NEIL1: variants seen among roughly 807,000 people sequenced by gnomAD.
NEIL1 encodes endonuclease 8-like 1.
Under a neutral mutation model 44.2 loss-of-function variants are expected in NEIL1, and 31 were observed. The ratio of observed to expected loss-of-function variants is 0.70; its 90% CI spans 0.53 to 0.95. The LOEUF is 0.95. Among genes scored for constraint, NEIL1 ranks in the 40% least tolerant of loss-of-function variants. NEIL1 has a pLI of 0.00. For missense variants in NEIL1, 549 were observed against 515.5 expected (o/e 1.07, Z -0.63); for synonymous variants, 254 against 209.7 (o/e 1.21, Z -1.83).
In NEIL1 at chr15:75,349,329, C is replaced by T; in HGVS notation, c.424C>T (p.Gln142Ter). 1 of 1,605,394 alleles carries T rather than the reference C, an allele frequency of 6.2e-7. No homozygotes were observed. The highest frequency in any genetic ancestry group is 1.1e-5 in the South Asian group (1 of 90,450). ...CGGGCCCTGTGTCTTGCAGGAGTACCAGCAGTTCAGGTAGGGCCAGCACCA... is the reference window on the plus strand; with the variant it reads ...CGGGCCCTGTGTCTTGCAGGAGTACTAGCAGTTCAGGTAGGGCCAGCACCA... Reference protein sequence around the residue: ...GRGPCVLQEYQQFRENVLRNL... With the variant: ...GRGPCVLQEY The change falls in exon 2 of 10, where the codon CAG becomes TAG. Residue 142 changes from glutamine to a stop codon, truncating the protein, a stop_gained. Coordinates refer to ENST00000355059, the MANE Select transcript of NEIL1 (RefSeq NM_024608.4). LOFTEE classifies it high-confidence loss of function.
Position 75,354,680 on chromosome 15 carries a change from TC to T in NEIL1, c.966del (p.Arg323GlyfsTer90). 6.2e-7 allele frequency: 1 copy of T among 1,614,100 alleles called. No individual in the cohort carries two copies. The highest frequency in any genetic ancestry group is 8.5e-7 in the Non-Finnish European group (1 of 1,180,016). On this transcript the variant is annotated frameshift_variant, in exon 9 of 10. Coordinates refer to ENST00000355059, the MANE Select transcript of NEIL1 (RefSeq NM_024608.4). LOFTEE classifies it high-confidence loss of function. ...CGCTTTGCCTCCAAGCAAGGCCCCT[TC>T]CAGGACACGAAGGGCAAAGAGAGAC... ...EDALPPSKAP[S>X]RTRRAKRDLP...
chr15:75,348,710 A>C, intron 1 of NEIL1, 174 bp from the exon 2 acceptor site: 3 of 1,431,618 alleles, frequency 2.1e-6, no homozygotes, highest in Non-Finnish European at 2.7e-6. Context: ...TGGGCTTTCC[A>C]GGCACCTGTC....
In NEIL1 at chr15:75,356,714, C is replaced by T. The variant is rs1211434763; in HGVS notation, c.*1680C>T. 5 of 1,611,116 alleles carry T rather than the reference C, an allele frequency of 3.1e-6. No homozygotes were observed. The African/African-American group carries it at 4.0e-5, about 13-fold the overall frequency. The stretch of plus-strand genomic sequence containing the variant: ...GGGTGAGGAGGGCGCGTAGGGGCCA[C>T]GCTGAAGCTGTTGGAGTTGTGGTCG... On this transcript the variant is annotated 3_prime_UTR_variant, in exon 10 of 10. Transcript: ENST00000355059. The surrounding 1 kb of genome is among the most constrained non-coding windows in gnomAD (Gnocchi z 5.8).
intron 5 of NEIL1, 98 bp from the exon 6 acceptor site, chr15:75,353,641 G>A: frequency 1.6e-6 from 2 of 1,288,036 alleles, no homozygotes; most frequent in Non-Finnish European, 2.3e-6. Flanking sequence ...CAGTCCATCA[G>A]CTTGTGTAGC....
At chr15:75,347,693 T>G (rs2071545172) in intron 1 of NEIL1, 61 of 491,440 alleles carry the variant, frequency 1.2e-4, no homozygotes, top group Middle Eastern at 9.2e-4. Flanking sequence ...GATCGGGTTG[T>G]GGGGGGTGCG....
At chr15:75,349,421 C>T (rs886655676) in intron 2 of NEIL1, 82 bp downstream of exon 2, 6 of 1,341,412 alleles carry the variant, frequency 4.5e-6, no homozygotes, top group Non-Finnish European at 5.1e-6. Flanking sequence ...CAACAAGGGG[C>T]GAGTCCCTGC....
chr15:75,354,010 C>G (rs2072143357), intron 6 of NEIL1, 144 bp downstream of exon 6: 1 of 1,199,624 alleles, frequency 8.3e-7, no homozygotes, highest in South Asian at 1.4e-5. Flanking sequence ...CACCCCTCCC[C>G]TCCCATGCGT....
In NEIL1 at chr15:75,353,842, G is replaced by C; in HGVS notation, c.822G>C (p.Arg274=). ...CAGGCATGAGCTCCCTGCAGGACCG[G>C]CATGGCCGTACCATCTGGTTCCAGG... ...GMPGMSSLQD[R]HGRTIWFQGD... The change falls in exon 6 of 10, where the codon CGG becomes CGC. Residue 274 remains arginine, a synonymous_variant. Coordinates refer to ENST00000355059, the MANE Select transcript of NEIL1 (RefSeq NM_024608.4). 1 of 1,613,220 alleles carries C rather than the reference G, an allele frequency of 6.2e-7. No homozygotes were observed. Among genetic ancestry groups the C allele is most frequent in the Non-Finnish European group, 8.5e-7 (1 of 1,179,986 alleles).
At position 75,355,811 on chromosome 15, in the gene NEIL1, T is replaced by C. The variant is rs1205336738; in HGVS notation, c.*777T>C. 5 of 1,476,982 alleles carry C rather than the reference T, an allele frequency of 3.4e-6. No homozygotes were observed. The African/African-American group carries it at 7.1e-5, about 21-fold the overall frequency. The allele number at this position is 1,476,982 out of a possible 1,614,324, so 91.5% of individuals were successfully genotyped here. ...GCAGGGTTCCCGATCCAAGGATTTA[T>C]TCCACAAGAAAAGACTGATCCCTGC... On this transcript the variant is annotated 3_prime_UTR_variant, in exon 10 of 10. Transcript: ENST00000355059.
intron 1 of NEIL1, 46 bp from the exon 2 acceptor site, chr15:75,348,838 C>T: frequency 6.4e-7 from 1 of 1,569,230 alleles, no homozygotes; most frequent in Non-Finnish European, 8.6e-7. Context: ...GCCGCTACCT[C>T]ACAAAGTCCA....
At position 75,353,152 on chromosome 15, in the gene NEIL1, A is replaced by C. The variant is rs201135873; in HGVS notation, c.718+451A>C. 13 of 183,050 alleles carry C rather than the reference A, an allele frequency of 7.1e-5. No individual in the cohort carries two copies. In the East Asian group the frequency reaches 1.8e-3, roughly 25 times the overall value. 11.3% of individuals were successfully genotyped at this position (183,050 alleles called of 1,614,324 possible). A position where few individuals can be genotyped will look rare whatever the true frequency, so the allele number is the denominator to read the frequency against. ...AGCAAAACTCCATCTCAAAAAAAAA[A>C]AAAACAAAAAAACAGTGTTTCCTCC... On this transcript the variant is annotated intron_variant, in intron 5 of 9. Transcript: ENST00000355059.
rs772044607 is a variant in NEIL1 at position 75,356,269 on chromosome 15, G to A, written c.*1235G>A. The A allele has an allele frequency of 1.9e-6, 3 of 1,612,008 alleles. No homozygotes were observed. In the East Asian group the frequency reaches 6.7e-5, roughly 36 times the overall value. On this transcript the variant is annotated 3_prime_UTR_variant, in exon 10 of 10. Transcript: ENST00000355059. The surrounding 1 kb of genome is among the most constrained non-coding windows in gnomAD (Gnocchi z 5.8). Reference sequence around the variant, plus strand: ...AGGGGCCGAGGGCAGGCCCAGTTCGGAACCCCGTCCCCAGCACGTCCCACC... The same window carrying A: ...AGGGGCCGAGGGCAGGCCCAGTTCGAAACCCCGTCCCCAGCACGTCCCACC...
At position 75,354,803 on chromosome 15, in the gene NEIL1, C is replaced by A. The variant is rs778081651; in HGVS notation, c.1087C>A (p.Arg363=). ...GCCCAAGAAGGGGAGGAGGAAGGGG[C>A]GACAGGCAGCCTCTGGTGGGCTTTC... ...TVPKKGRRKG[R]QAASGHCRPR... Residue 363 remains arginine, a synonymous_variant, in exon 9 of 10, where the codon CGA becomes AGA. Coordinates refer to ENST00000355059, the MANE Select transcript of NEIL1 (RefSeq NM_024608.4). The A allele has an allele frequency of 6.2e-7, 1 of 1,613,880 alleles. No individual in the cohort carries two copies. Among genetic ancestry groups the A allele is most frequent in the East Asian group, 2.2e-5 (1 of 44,902 alleles).
intron 2 of NEIL1, among the ~76,000 whole-genome samples, chr15:75,350,425 A>T (rs1476771070): frequency 2.0e-5 from 3 of 152,206 alleles, no homozygotes; most frequent in Non-Finnish European, 4.4e-5. Flanking sequence ...GGGTGGGGGT[A>T]CATTAGCAAT....
chr15:75,351,435 C>T (rs987774842), intron 2 of NEIL1: 2 of 356,800 alleles, frequency 5.6e-6, no homozygotes, highest in African/African-American at 2.2e-5. Flanking sequence ...ATCACTAAGC[C>T]CCTGGCTACT....
chr15:75,348,329 T>A (rs1289954723), intron 1 of NEIL1: 3 of 985,250 alleles, frequency 3.0e-6, no homozygotes, highest in Non-Finnish European at 2.4e-6. Flanking sequence ...GCTCTTTCCC[T>A]CGGTGGTGAG....
At position 75,356,507 on chromosome 15, in the gene NEIL1, C is replaced by A; in HGVS notation, c.*1473C>A. The A allele has an allele frequency of 1.9e-6, 3 of 1,561,966 alleles. No individual in the cohort carries two copies. Among genetic ancestry groups the A allele is most frequent in the East Asian group, 2.3e-5 (1 of 43,442 alleles). ...GAATGGGGGCTACCCTCCCCTGTCCCTAGAAGGGGCAGGAAGCCAGGTTGC... is the reference window on the plus strand; with the variant it reads ...GAATGGGGGCTACCCTCCCCTGTCCATAGAAGGGGCAGGAAGCCAGGTTGC... On this transcript the variant is annotated 3_prime_UTR_variant, in exon 10 of 10. Transcript: ENST00000355059. The surrounding 1 kb of genome is among the most constrained non-coding windows in gnomAD (Gnocchi z 5.8).
At position 75,353,818 on chromosome 15, in the gene NEIL1, A is replaced by T; in HGVS notation, c.798A>T (p.Pro266=). The T allele has an allele frequency of 6.2e-7, 1 of 1,613,852 alleles. No homozygotes were observed. Among genetic ancestry groups the T allele is most frequent in the Non-Finnish European group, 8.5e-7 (1 of 1,180,008 alleles). ...FRAWLRCYGM[P]GMSSLQDRHG... ...CCTGGCTGCGCTGCTATGGCATGCC[A>T]GGCATGAGCTCCCTGCAGGACCGGC... The change falls in exon 6 of 10, where the codon CCA becomes CCT. Residue 266 remains proline (P), a synonymous_variant. Transcript: ENST00000355059.
rs184306319 is a variant in NEIL1 at position 75,351,172 on chromosome 15, C to T, written c.435-939C>T. 20 of 438,296 alleles carry T rather than the reference C, an allele frequency of 4.6e-5. No individual in the cohort carries two copies. The East Asian group carries it at 1.3e-3, about 29-fold the overall frequency. The allele number at this position is 438,296 out of a possible 1,614,324, so 27.2% of individuals were successfully genotyped here. A position where few individuals can be genotyped will look rare whatever the true frequency, so the allele number is the denominator to read the frequency against. On this transcript the variant is annotated intron_variant, in intron 2 of 9. Coordinates refer to ENST00000355059, the MANE Select transcript of NEIL1 (RefSeq NM_024608.4). ...CCCACCACAAATGCTATACAGGGAG[C>T]TCCAGACTGCAAACACACTTGAGGT...
Sources: allele counts gnomAD v4.1 joint callset (sites outside exome capture counted in the v4.1 genomes callset), GRCh38; gene constraint gnomAD v4.1.1; non-coding constraint Gnocchi (gnomAD v3.1); transcripts MANE v1.5; gene names NCBI Gene and HGNC (gene_info 2026-07-23, HGNC 2026-07-21).